TMEM132D: variants seen among roughly 807,000 people sequenced by gnomAD.
TMEM132D encodes the protein mature OL transmembrane protein.
Under a neutral mutation model 62.3 loss-of-function variants are expected in TMEM132D, and 21 were observed. That is an observed-to-expected ratio of 0.34 (90% CI 0.24 to 0.49). TMEM132D has a LOEUF of 0.49. Among genes scored for constraint, TMEM132D ranks in the 20% least tolerant of loss-of-function variants. TMEM132D has a pLI of 0.99. For missense variants in TMEM132D, 1,346 were observed against 1,402.8 expected (o/e 0.96, Z 0.65); for synonymous variants, 621 against 575.6 (o/e 1.08, Z -1.13).
At chr12:129,708,366 C>T in intron 1 of TMEM132D, among the ~76,000 whole-genome samples, 1 of 152,216 alleles carries the variant, frequency 6.6e-6, no homozygotes, top group African/African-American at 2.4e-5. Flanking sequence ...AGTCCTGACC[C>T]TTCACCAGCT....
intron 4 of TMEM132D, among the ~76,000 whole-genome samples, chr12:129,297,956 G>C (rs933405138): frequency 2.6e-5 from 4 of 152,130 alleles, no homozygotes; most frequent in African/African-American, 7.2e-5. Context: ...ATGTTTTTTA[G>C]GAAGAACTGG....
At chr12:129,636,737 T>TGAGAGAGA (rs1555223034) in intron 2 of TMEM132D, among the ~76,000 whole-genome samples, 13 of 113,628 alleles carry the variant, frequency 1.1e-4, no homozygotes, top group East Asian at 5.9e-4. Flanking sequence ...TGTGTGTGTG[T>TGAGAGAGA]GAGAGAGAGA....
chr12:129,589,127 T>A (rs755531729), intron 2 of TMEM132D, among the ~76,000 whole-genome samples: 1 of 152,136 alleles, frequency 6.6e-6, no homozygotes, highest in Non-Finnish European at 1.5e-5. Flanking sequence ...TCATCTTGAA[T>A]TGTAGCTCCC....
intron 1 of TMEM132D, among the ~76,000 whole-genome samples, chr12:129,830,458 T>C (rs1275662849): frequency 6.6e-6 from 1 of 152,172 alleles, no homozygotes; most frequent in Admixed American, 6.5e-5. Context: ...GATTGCCTCC[T>C]TCGGAAAGGC....
chr12:129,097,623 A>G (rs1875157249), intron 5 of TMEM132D, among the ~76,000 whole-genome samples: 1 of 152,174 alleles, frequency 6.6e-6, no homozygotes, highest in Non-Finnish European at 1.5e-5. Flanking sequence ...AGAAAGGTAA[A>G]TATATGGGGG....
chr12:129,640,758 T>C (rs1296091295), intron 2 of TMEM132D, among the ~76,000 whole-genome samples: 1 of 152,090 alleles, frequency 6.6e-6, no homozygotes, highest in Non-Finnish European at 1.5e-5. Flanking sequence ...TAGCAGAAGG[T>C]GAGTGATGGG....
intron 2 of TMEM132D, among the ~76,000 whole-genome samples, chr12:129,624,387 C>A (rs2137162062): frequency 6.6e-6 from 1 of 152,316 alleles, no homozygotes; most frequent in South Asian, 2.1e-4. Context: ...ATTGTGAAGA[C>A]TTTTATGAAG....
chr12:129,696,741 T>C (rs896742222), intron 2 of TMEM132D, among the ~76,000 whole-genome samples: 1 of 152,172 alleles, frequency 6.6e-6, no homozygotes, highest in East Asian at 1.9e-4. Context: ...CACAGGAGAA[T>C]GTGTGGCTAG....
At chr12:129,228,107 G>A (rs1011252382) in intron 4 of TMEM132D, among the ~76,000 whole-genome samples, 1 of 151,912 alleles carries the variant, frequency 6.6e-6, no homozygotes, top group Non-Finnish European at 1.5e-5. Flanking sequence ...ACAAAACATG[G>A]TGTAGACAGT....
chr12:129,628,613 T>C, intron 2 of TMEM132D, among the ~76,000 whole-genome samples: 1 of 152,162 alleles, frequency 6.6e-6, no homozygotes, highest in East Asian at 1.9e-4. Flanking sequence ...CCACCTTTGC[T>C]GAACACATTG....
chr12:129,401,433 G>T (rs1420082624), intron 3 of TMEM132D, among the ~76,000 whole-genome samples: 1 of 152,108 alleles, frequency 6.6e-6, no homozygotes, highest in Non-Finnish European at 1.5e-5. Flanking sequence ...GCTGAGCATG[G>T]TGGCATGAGC....
At position 129,771,897 on chromosome 12, in the gene TMEM132D, G is replaced by C. The variant is rs138380501; in HGVS notation, c.80-71199C>G. 2.6e-5 allele frequency among the ~76,000 whole-genome samples: 4 copies of C among 152,310 alleles called. No individual in the cohort carries two copies. The East Asian group carries it at 7.7e-4, about 29-fold the overall frequency. On this transcript the variant is annotated intron_variant, in intron 1 of 8. Coordinates refer to ENST00000422113, the MANE Select transcript of TMEM132D (RefSeq NM_133448.3). ...TCAATTTGCACAAAAGCTCTATGAA[G>C]TCAGTACTATTATGCTTATTACACA...
At chr12:129,564,551 G>A (rs545350326) in intron 2 of TMEM132D, among the ~76,000 whole-genome samples, 16 of 152,178 alleles carry the variant, frequency 1.1e-4, no homozygotes, top group African/African-American at 3.1e-4. Context: ...CCCTTCTTTC[G>A]TTAAAGCAAT....
At chr12:129,847,367 C>T (rs965956564) in intron 1 of TMEM132D, among the ~76,000 whole-genome samples, 2 of 152,170 alleles carry the variant, frequency 1.3e-5, no homozygotes, top group Non-Finnish European at 2.9e-5. Context: ...ATTGGAAATG[C>T]TTCAAGAGAA....
intron 1 of TMEM132D, among the ~76,000 whole-genome samples, chr12:129,833,912 T>C (rs1197694710): frequency 2.0e-5 from 3 of 152,132 alleles, no homozygotes; most frequent in Admixed American, 6.5e-5. Context: ...TTTTTTTAAT[T>C]CAAGCATGTC....
chr12:129,860,818 TG>T (rs1347064270), intron 1 of TMEM132D, among the ~76,000 whole-genome samples: 1 of 152,118 alleles, frequency 6.6e-6, no homozygotes, highest in African/African-American at 2.4e-5. Flanking sequence ...GAAAGAAGAA[TG>T]AGAGCTGAGC....
At chr12:129,722,172 A>C (rs1189075256) in intron 1 of TMEM132D, among the ~76,000 whole-genome samples, 1 of 152,136 alleles carries the variant, frequency 6.6e-6, no homozygotes, top group African/African-American at 2.4e-5. Context: ...CATATCAATA[A>C]GCCATTAGTT....
intron 1 of TMEM132D, among the ~76,000 whole-genome samples, chr12:129,829,053 C>T (rs1349097052): frequency 6.6e-6 from 1 of 151,834 alleles, no homozygotes; most frequent in African/African-American, 2.4e-5. Flanking sequence ...TGGCAGCTAC[C>T]AACTTCTAGA....
At chr12:129,426,344 G>A (rs12230577) in intron 3 of TMEM132D, among the ~76,000 whole-genome samples, 17,489 of 152,196 alleles carry the variant, frequency 0.11, 1,696 homozygotes, top group East Asian at 0.48. Context: ...GAAACCGCTG[G>A]GGAACTGTTT....
Sources: allele counts gnomAD v4.1 joint callset (sites outside exome capture counted in the v4.1 genomes callset), GRCh38; gene constraint gnomAD v4.1.1; transcripts MANE v1.5; gene names NCBI Gene and HGNC (gene_info 2026-07-23, HGNC 2026-07-21).